DGKI: variants seen among roughly 807,000 people sequenced by gnomAD.
DGKI encodes DAG kinase iota.
DGKI carries 55 observed loss-of-function variants against 147.5 expected under a neutral mutation model. The observed-to-expected ratio is 0.37, with a 90% CI of 0.30 to 0.47. The LOEUF (loss-of-function observed/expected upper bound fraction) is 0.47, where lower values mean the gene tolerates loss of function less well. Ranked by LOEUF, DGKI falls within the 20% of genes least tolerant of loss-of-function variation. The probability of loss-of-function intolerance (pLI) is 1.00; values close to 1 mark genes in which losing one functional copy is unlikely to be tolerated. For synonymous variants in DGKI, 469 were observed against 477.1 expected, an observed-to-expected ratio of 0.98 and a Z score of 0.22; for missense variants, 1,007 against 1,323.8, an observed-to-expected ratio of 0.76 and a Z score of 3.71.
intron 21 of DGKI, among the ~76,000 whole-genome samples, chr7:137,519,506 C>T (rs1816891654): frequency 6.6e-6 from 1 of 152,076 alleles, no homozygotes; most frequent in East Asian, 1.9e-4. Flanking sequence ...TAAGAGGATT[C>T]ACTCTCTTTG....
chr7:137,790,799 GTTAGAT>G (rs1279908308), intron 1 of DGKI, among the ~76,000 whole-genome samples: 1 of 152,174 alleles, frequency 6.6e-6, no homozygotes, highest in African/African-American at 2.4e-5. Flanking sequence ...AGTGCCTGTT[GTTAGAT>G]TTGTTGAAGA....
chr7:137,461,776 C>T (rs959845947), intron 27 of DGKI, among the ~76,000 whole-genome samples: 4 of 152,008 alleles, frequency 2.6e-5, no homozygotes, highest in Non-Finnish European at 2.9e-5. Flanking sequence ...GTGTCTACTA[C>T]TCTAGGGCAT....
At chr7:137,823,712 T>C (rs899912657) in intron 1 of DGKI, among the ~76,000 whole-genome samples, 41 of 152,172 alleles carry the variant, frequency 2.7e-4, no homozygotes, top group African/African-American at 9.4e-4. Flanking sequence ...ACGGAAGCTA[T>C]GTAAAAACCA....
intron 2 of DGKI, among the ~76,000 whole-genome samples, chr7:137,681,927 C>T (rs1823250770): frequency 6.6e-6 from 1 of 152,254 alleles, no homozygotes; most frequent in South Asian, 2.1e-4. Context: ...ACGCTGTCTA[C>T]AGGACCAACC....
chr7:137,728,513 A>C (rs543366537), intron 1 of DGKI, among the ~76,000 whole-genome samples: 1 of 152,172 alleles, frequency 6.6e-6, no homozygotes, highest in Non-Finnish European at 1.5e-5. Flanking sequence ...TCAAATGCAA[A>C]GAGTAGGCAT....
intron 30 of DGKI, among the ~76,000 whole-genome samples, chr7:137,398,857 C>A (rs1199022617): frequency 6.6e-6 from 1 of 151,828 alleles, no homozygotes; most frequent in African/African-American, 2.4e-5. Context: ...GAAGTAGTTA[C>A]CAAGAAAGAT....
chr7:137,504,327 T>C lies in DGKI; in HGVS notation c.2249-16638A>G, dbSNP rs114938021. 5.6e-3 allele frequency among the ~76,000 whole-genome samples: 851 copies of C among 152,298 alleles called. 6 individuals carry two copies. The highest frequency in any genetic ancestry group is 0.019 in the African/African-American group (800 of 41,560). ...ATAGAATTGCAGCCATATGAAGCCA[T>C]TGACCTATTCAAAGCACAAACAAAC... On this transcript the variant is annotated intron_variant, in intron 21 of 32. Transcript: ENST00000614521.
intron 1 of DGKI, among the ~76,000 whole-genome samples, chr7:137,791,869 G>A (rs1796865158): frequency 6.6e-6 from 1 of 152,196 alleles, no homozygotes; most frequent in Non-Finnish European, 1.5e-5. Flanking sequence ...ATCATGAAAT[G>A]TCTAGAGATT....
chr7:137,690,991 C>T (rs724970), intron 1 of DGKI, among the ~76,000 whole-genome samples: 3,888 of 152,300 alleles, frequency 0.026, 67 homozygotes, highest in Middle Eastern at 0.048. Flanking sequence ...TGTGATTGAA[C>T]TAAGTCACTC....
At chr7:137,764,729 C>T (rs1030230912) in intron 1 of DGKI, among the ~76,000 whole-genome samples, 1 of 152,154 alleles carries the variant, frequency 6.6e-6, no homozygotes, top group South Asian at 2.1e-4. Flanking sequence ...CTCTGAATGT[C>T]CTGGTTTGAA....
intron 3 of DGKI, among the ~76,000 whole-genome samples, chr7:137,658,350 C>T (rs1822298084): frequency 2.0e-5 from 3 of 152,160 alleles, no homozygotes; most frequent in Admixed American, 6.5e-5. Flanking sequence ...CGAATCACTG[C>T]TTTGGCACCA....
chr7:137,413,265 C>CAAA (rs35856159), intron 28 of DGKI, among the ~76,000 whole-genome samples: 1 of 92,620 alleles, frequency 1.1e-5, no homozygotes, highest in Non-Finnish European at 2.2e-5. Context: ...GACTCCATCT[C>CAAA]AAAAAAAAAA....
At chr7:137,671,868 G>A (rs1822852675) in intron 3 of DGKI, among the ~76,000 whole-genome samples, 1 of 152,186 alleles carries the variant, frequency 6.6e-6, no homozygotes, top group Admixed American at 6.5e-5. Context: ...TATCTACGAG[G>A]AAAAGACTAA....
At chr7:137,804,005 G>C (rs1797289666) in intron 1 of DGKI, among the ~76,000 whole-genome samples, 1 of 152,192 alleles carries the variant, frequency 6.6e-6, no homozygotes, top group Non-Finnish European at 1.5e-5. Flanking sequence ...GCTAGACTGA[G>C]GGAGCTCCTT....
At chr7:137,590,357 C>T (rs901706485) in intron 12 of DGKI, among the ~76,000 whole-genome samples, 1 of 152,198 alleles carries the variant, frequency 6.6e-6, no homozygotes, top group Non-Finnish European at 1.5e-5. Context: ...CTCAACCCGA[C>T]TTCCCAAAAG....
At chr7:137,586,462 T>A (rs928761301) in intron 13 of DGKI, among the ~76,000 whole-genome samples, 1 of 152,032 alleles carries the variant, frequency 6.6e-6, no homozygotes, top group Non-Finnish European at 1.5e-5. Context: ...GGGCTGTATA[T>A]GTGTATGCAT....
At chr7:137,760,293 C>T (rs759485325) in intron 1 of DGKI, among the ~76,000 whole-genome samples, 17 of 152,188 alleles carry the variant, frequency 1.1e-4, no homozygotes, top group African/African-American at 2.2e-4. Context: ...CCACCTCCCT[C>T]TCTCCTCCCC....
chr7:137,443,794 A>G (rs914951010), intron 28 of DGKI, among the ~76,000 whole-genome samples: 1 of 152,232 alleles, frequency 6.6e-6, no homozygotes. Flanking sequence ...CCAAAACCAC[A>G]AAACCACAAA....
chr7:137,390,959 G>A lies in DGKI; in HGVS notation c.*261C>T. ...AACACAGAAGTTCATGCTACTTGCT[G>A]GAAGCAATAAGGATCAAATTTTGTG... On this transcript the variant is annotated 3_prime_UTR_variant, in exon 33 of 33. Coordinates refer to ENST00000614521, the MANE Select transcript of DGKI (RefSeq NM_001321708.2). The A allele has an allele frequency of 6.4e-6, 3 of 468,298 alleles. No individual in the cohort carries two copies. The South Asian group carries it at 7.3e-5, about 11-fold the overall frequency. 29.0% of individuals were successfully genotyped at this position (468,298 alleles called of 1,614,324 possible).
Sources: gnomAD v4.1 joint callset for allele counts (sites outside exome capture counted in the v4.1 genomes callset) on GRCh38, gnomAD v4.1.1 for gene constraint, MANE v1.5 for transcripts, NCBI Gene and HGNC (gene_info 2026-07-23, HGNC 2026-07-21) for gene names.